FGF14: variants seen among roughly 807,000 people sequenced by gnomAD.
FGF14 encodes the protein fibroblast growth factor homologous factor 4.
In FGF14, 5 loss-of-function variants were observed where a neutral mutation model predicts 25.5. That is an observed-to-expected ratio of 0.20 (90% CI 0.10 to 0.41). The LOEUF (loss-of-function observed/expected upper bound fraction) is 0.41. FGF14 is among the 10% of genes least tolerant of loss of function. The probability of loss-of-function intolerance (pLI) is 1.00; values close to 1 mark genes in which losing one functional copy is unlikely to be tolerated. For missense variants in FGF14, 222 were observed against 320.1 expected (o/e 0.69, Z 2.34); for synonymous variants, 138 against 118.3 (o/e 1.17, Z -1.08).
chr13:102,117,913 G>A (rs953566979), intron 1 of FGF14, among the ~76,000 whole-genome samples: 1 of 152,098 alleles, frequency 6.6e-6, no homozygotes, highest in Non-Finnish European at 1.5e-5. Context: ...GGGCAGAGAG[G>A]CTAGGGAAAG....
intron 1 of FGF14, among the ~76,000 whole-genome samples, chr13:102,116,267 G>A (rs493060): frequency 0.53 from 80,876 of 151,986 alleles, 22,921 homozygotes; most frequent in East Asian, 0.75. Flanking sequence ...GGAATGTGAA[G>A]TGATGTAGTC....
intron 1 of FGF14, among the ~76,000 whole-genome samples, chr13:101,954,015 TTGTC>T (rs2036350452): frequency 1.3e-5 from 2 of 152,172 alleles, no homozygotes; most frequent in African/African-American, 4.8e-5. Context: ...TGCTTGAACA[TTGTC>T]TGCAGTCTAA....
intron 1 of FGF14, among the ~76,000 whole-genome samples, chr13:102,280,056 T>A (rs1176228216): frequency 6.6e-6 from 1 of 152,230 alleles, no homozygotes; most frequent in Non-Finnish European, 1.5e-5. Context: ...AAATAATAAT[T>A]ACAAATATCA....
chr13:101,856,574 C>A (rs1191972552), intron 3 of FGF14, among the ~76,000 whole-genome samples: 1 of 151,840 alleles, frequency 6.6e-6, no homozygotes, highest in Admixed American at 6.6e-5. Flanking sequence ...AATTTTGTTA[C>A]CATTATTTTA....
intron 3 of FGF14, among the ~76,000 whole-genome samples, chr13:101,829,512 A>C (rs2042567288): frequency 6.6e-6 from 1 of 152,084 alleles, no homozygotes; most frequent in African/African-American, 2.4e-5. Context: ...CAGCATTGCC[A>C]ATCAGTCTTT....
chr13:102,020,618 A>C, intron 1 of FGF14, among the ~76,000 whole-genome samples: 1 of 152,212 alleles, frequency 6.6e-6, no homozygotes, highest in African/African-American at 2.4e-5. Context: ...TGTCAGACAA[A>C]GAGTGGAAAA....
chr13:102,306,328 C>T (rs185152866), intron 1 of FGF14, among the ~76,000 whole-genome samples: 15 of 152,272 alleles, frequency 9.9e-5, no homozygotes, highest in Admixed American at 8.5e-4. Flanking sequence ...GGCTGTGGAG[C>T]AGCTCATGAT....
chr13:102,266,631 G>C (rs1261897136), intron 1 of FGF14, among the ~76,000 whole-genome samples: 1 of 151,934 alleles, frequency 6.6e-6, no homozygotes, highest in East Asian at 1.9e-4. Flanking sequence ...CATGCAACAT[G>C]GACCATGGAT....
chr13:102,278,009 T>C (rs1425539031), intron 1 of FGF14, among the ~76,000 whole-genome samples: 1 of 152,230 alleles, frequency 6.6e-6, no homozygotes, highest in Admixed American at 6.5e-5. Context: ...CATGCTTTTC[T>C]CTTGGGCTGA....
chr13:101,895,625 G>C lies in FGF14; in HGVS notation c.194-20329C>G, dbSNP rs116135619. ...GAAGTGCAAACATACCTGCCCGAGAGAAGTAACTTTAAAAAGGTAAAACGT... is the reference window on the plus strand; with the variant it reads ...GAAGTGCAAACATACCTGCCCGAGACAAGTAACTTTAAAAAGGTAAAACGT... On this transcript the variant is annotated intron_variant, in intron 1 of 4. Coordinates refer to ENST00000376143, the MANE Select transcript of FGF14 (RefSeq NM_004115.4). 8.4e-3 allele frequency among the ~76,000 whole-genome samples: 1,272 copies of C among 152,272 alleles called. 14 individuals carry two copies. Among genetic ancestry groups the C allele is most frequent in the African/African-American group, 0.028 (1,177 of 41,562 alleles).
intron 1 of FGF14, among the ~76,000 whole-genome samples, chr13:102,178,096 G>A (rs1294076468): frequency 3.3e-5 from 5 of 151,964 alleles, no homozygotes; most frequent in South Asian, 2.1e-4. Flanking sequence ...ACGTCTCTTC[G>A]ACCAGCTCCC....
chr13:102,300,159 T>C (rs1594777633), intron 1 of FGF14: 2 of 152,142 alleles, frequency 1.3e-5, no homozygotes, highest in East Asian at 1.9e-4. Flanking sequence ...GAATCAACTA[T>C]ATACCTAAAA....
At chr13:102,330,660 C>T (rs2056606451) in intron 1 of FGF14, among the ~76,000 whole-genome samples, 5 of 152,166 alleles carry the variant, frequency 3.3e-5, no homozygotes, top group Admixed American at 3.3e-4. Flanking sequence ...TCTGTTCATG[C>T]CTTTGCTGCA....
chr13:102,315,392 C>T (rs2055972904), intron 1 of FGF14, among the ~76,000 whole-genome samples: 2 of 152,134 alleles, frequency 1.3e-5, no homozygotes, highest in Non-Finnish European at 2.9e-5. Context: ...AGTTCAAAAA[C>T]TATCACTTCT....
At chr13:102,213,480 T>A (rs2050244071) in intron 1 of FGF14, among the ~76,000 whole-genome samples, 1 of 152,008 alleles carries the variant, frequency 6.6e-6, no homozygotes, top group Non-Finnish European at 1.5e-5. Flanking sequence ...TTTTCAGGAG[T>A]ACAGGAATGG....
Position 102,161,647 on chromosome 13 carries a change from A to AAGGAGGAGG in FGF14, c.208+239823_208+239824insCCTCCTCCT, listed in dbSNP as rs2047731104. On this transcript the variant is annotated intron_variant, in intron 1 of 4. Transcript: ENST00000376131. Reference sequence around the variant, plus strand: ...GAAGAAGAAGAAGAAGAAGAAGAAGAAGAAGAAGAAGAAGAAGAAGAAGAA... The same window carrying AAGGAGGAGG: ...GAAGAAGAAGAAGAAGAAGAAGAAGAAGGAGGAGGAGAAGAAGAAGAAGAAGAAGAAGAA... 4.5e-4 allele frequency among the ~76,000 whole-genome samples: 9 copies of AAGGAGGAGG among 19,800 alleles called. 1 individual carries two copies. The highest frequency in any genetic ancestry group is 7.3e-4 in the Non-Finnish European group (7 of 9,608). The allele number at this position is 19,800 out of a possible 152,430, so 13.0% of individuals were successfully genotyped here.
intron 3 of FGF14, among the ~76,000 whole-genome samples, chr13:101,826,235 T>C (rs1444910524): frequency 6.6e-6 from 1 of 152,042 alleles, no homozygotes; most frequent in African/African-American, 2.4e-5. Context: ...TTTCCATATT[T>C]AAATACCATT....
At chr13:102,326,708 A>T (rs1356653377) in intron 1 of FGF14, among the ~76,000 whole-genome samples, 6 of 69,662 alleles carry the variant, frequency 8.6e-5, no homozygotes, top group African/African-American at 4.0e-4. Flanking sequence ...GGAAGGAAGG[A>T]AGGAAGGAAG....
chr13:101,813,328 A>C (rs2041672707), intron 3 of FGF14, among the ~76,000 whole-genome samples: 1 of 152,156 alleles, frequency 6.6e-6, no homozygotes, highest in African/African-American at 2.4e-5. Flanking sequence ...CTTTAGGAGG[A>C]GGTTACTGAG....
Sources: allele counts gnomAD v4.1 joint callset (sites outside exome capture counted in the v4.1 genomes callset), GRCh38; gene constraint gnomAD v4.1.1; transcripts MANE v1.5; gene names NCBI Gene and HGNC (gene_info 2026-07-23, HGNC 2026-07-21).